The following SYNPR variants were observed in gnomAD, a reference collection of about 807,000 sequenced individuals.
SYNPR encodes synaptoporin.
SYNPR carries 23 observed loss-of-function variants against 32.9 expected under a neutral mutation model. The observed-to-expected ratio is 0.70, with a 90% CI of 0.50 to 0.99. The LOEUF is 0.99. SYNPR is among the 50% of genes least tolerant of loss of function. The pLI, the probability that SYNPR is intolerant of heterozygous loss-of-function variation, is 0.00. For synonymous variants in SYNPR, 146 were observed against 135.9 expected (o/e 1.07, Z -0.52); for missense variants, 318 against 349.3 (o/e 0.91, Z 0.71).
intron 4 of SYNPR, among the ~76,000 whole-genome samples, chr3:63,602,880 G>A (rs141570297): frequency 0.013 from 1,953 of 152,174 alleles, 27 homozygotes; most frequent in Middle Eastern, 0.034. Flanking sequence ...ATCTTGTAAA[G>A]AATGTCATTG....
chr3:63,204,250 T>C, the SYNPR span, among the ~76,000 whole-genome samples: 1 of 152,178 alleles, frequency 6.6e-6, no homozygotes, highest in South Asian at 2.1e-4. Context: ...ATCAAGATGT[T>C]GGGAGGGCCA....
At chr3:63,302,688 G>A (rs993842712) in intron 2 of SYNPR, among the ~76,000 whole-genome samples, 4 of 151,822 alleles carry the variant, frequency 2.6e-5, no homozygotes, top group Admixed American at 1.3e-4. Flanking sequence ...ATAAATAGCT[G>A]CAATTTAACA....
intron 2 of SYNPR, among the ~76,000 whole-genome samples, chr3:63,344,628 C>G (rs559908334): frequency 1.9e-4 from 27 of 141,108 alleles, no homozygotes; most frequent in African/African-American, 7.2e-4. Flanking sequence ...AGTGCAATAA[C>G]CTGGGATTTG....
chr3:63,443,986 G>A (rs765006957), intron 2 of SYNPR, among the ~76,000 whole-genome samples: 5 of 152,158 alleles, frequency 3.3e-5, no homozygotes, highest in Non-Finnish European at 7.3e-5. Context: ...TTTCCCCTAC[G>A]ATTGGATGCA....
intron 3 of SYNPR, among the ~76,000 whole-genome samples, chr3:63,270,208 G>A (rs61341484): frequency 0.35 from 53,782 of 151,902 alleles, 9,895 homozygotes; most frequent in Admixed American, 0.4. Flanking sequence ...ACAAAGTACT[G>A]CCTTATTACA....
At chr3:63,252,155 T>C (rs1371474592) in intron 1 of SYNPR, among the ~76,000 whole-genome samples, 1 of 152,154 alleles carries the variant, frequency 6.6e-6, no homozygotes, top group African/African-American at 2.4e-5. Flanking sequence ...ATTTGAATAA[T>C]GTGTATTCTA....
intron 2 of SYNPR, among the ~76,000 whole-genome samples, chr3:63,453,799 G>A (rs1010459618): frequency 1.3e-5 from 2 of 152,150 alleles, no homozygotes; most frequent in African/African-American, 4.8e-5. Context: ...ATTCAGGAAA[G>A]AGAGCAGCTC....
intron 2 of SYNPR, among the ~76,000 whole-genome samples, chr3:63,379,956 C>G (rs1018093944): frequency 1.3e-5 from 2 of 151,988 alleles, no homozygotes; most frequent in East Asian, 3.9e-4. Context: ...TTTGTCCTTG[C>G]GATAGTTTGC....
the SYNPR span, among the ~76,000 whole-genome samples, chr3:63,219,188 C>T: frequency 6.6e-6 from 1 of 152,156 alleles, no homozygotes; most frequent in African/African-American, 2.4e-5. Flanking sequence ...TTAGCCCAAA[C>T]CTGAGTAGTG....
intron 4 of SYNPR, among the ~76,000 whole-genome samples, chr3:63,568,340 AC>A (rs1216881184): frequency 1.3e-5 from 2 of 152,100 alleles, no homozygotes; most frequent in Non-Finnish European, 2.9e-5. Context: ...CTGTATTGCC[AC>A]CCCATTTTTT....
Position 63,615,655 on chromosome 3 carries a change from G to C in SYNPR, c.*174G>C. The C allele has an allele frequency of 1.2e-6, 1 of 809,500 alleles. No homozygotes were observed. Among genetic ancestry groups the C allele is most frequent in the Non-Finnish European group, 1.9e-6 (1 of 533,498 alleles). 50.1% of individuals were successfully genotyped at this position (809,500 alleles called of 1,614,324 possible). A position where few individuals can be genotyped will look rare whatever the true frequency, so the allele number is the denominator to read the frequency against. Reference sequence around the variant, plus strand: ...TGGGTTGTGAAAAATGATACTTAGAGATGAGGCGACATGAGGAGATATATT... The same window carrying C: ...TGGGTTGTGAAAAATGATACTTAGACATGAGGCGACATGAGGAGATATATT... On this transcript the variant is annotated 3_prime_UTR_variant, in exon 6 of 6. Coordinates refer to ENST00000478300, the MANE Select transcript of SYNPR (RefSeq NM_001130003.2).
intron 2 of SYNPR, among the ~76,000 whole-genome samples, chr3:63,475,899 A>C (rs1194732286): frequency 1.3e-5 from 2 of 152,050 alleles, no homozygotes; most frequent in African/African-American, 4.8e-5. Context: ...TGCAAGACAA[A>C]CCTTCTCAGC....
chr3:63,264,833 C>G (rs1005195222), intron 2 of SYNPR, among the ~76,000 whole-genome samples: 2 of 152,018 alleles, frequency 1.3e-5, no homozygotes, highest in South Asian at 2.1e-4. Context: ...GAGGGCAAGC[C>G]GGGGAAATTC....
chr3:63,265,283 A>C, intron 2 of SYNPR, among the ~76,000 whole-genome samples: 1 of 122,492 alleles, frequency 8.2e-6, no homozygotes, highest in Non-Finnish European at 1.6e-5. Flanking sequence ...ATGGAGTCTC[A>C]ATCTGTGGCC....
At chr3:63,219,415 C>T in the SYNPR span, among the ~76,000 whole-genome samples, 1 of 152,258 alleles carries the variant, frequency 6.6e-6, no homozygotes, top group African/African-American at 2.4e-5. Context: ...GAGAGTTTGG[C>T]TTTTCTTCTA....
At chr3:63,471,050 T>G (rs1256318476) in intron 2 of SYNPR, among the ~76,000 whole-genome samples, 1 of 152,240 alleles carries the variant, frequency 6.6e-6, no homozygotes, top group Admixed American at 6.5e-5. Flanking sequence ...GTTTTCCTTC[T>G]GTAGGGCCTA....
At chr3:63,587,030 C>G (rs890460723) in intron 4 of SYNPR, among the ~76,000 whole-genome samples, 5 of 151,918 alleles carry the variant, frequency 3.3e-5, no homozygotes, top group African/African-American at 1.2e-4. Flanking sequence ...TATGAAGAAC[C>G]AGTAACTTAA....
At chr3:63,592,281 T>TTTACTCAGC (rs1699849203) in intron 4 of SYNPR, among the ~76,000 whole-genome samples, 1 of 152,142 alleles carries the variant, frequency 6.6e-6, no homozygotes, top group African/African-American at 2.4e-5. Context: ...TCCAGAAGGG[T>TTTACTCAGC]GAGAGAGTAA....
chr3:63,609,582 A>C (rs1019867235), intron 5 of SYNPR, among the ~76,000 whole-genome samples: 2 of 152,166 alleles, frequency 1.3e-5, no homozygotes, highest in Admixed American at 6.5e-5. Flanking sequence ...GTGACAGTCC[A>C]GTTGAAACTC....
Sources: allele counts gnomAD v4.1 joint callset (sites outside exome capture counted in the v4.1 genomes callset), GRCh38; gene constraint gnomAD v4.1.1; transcripts MANE v1.5; gene names NCBI Gene and HGNC (gene_info 2026-07-23, HGNC 2026-07-21).